The following MAPK10 variants were observed in gnomAD, a reference collection of about 807,000 sequenced individuals.
MAPK10 encodes the protein mitogen-activated protein kinase 10.
Under a neutral mutation model 59.3 loss-of-function variants are expected in MAPK10, and 25 were observed. That is an observed-to-expected ratio of 0.42 (90% CI 0.31 to 0.59). The LOEUF is 0.59. MAPK10 is among the 20% of genes least tolerant of loss of function. The pLI, the probability that MAPK10 is intolerant of heterozygous loss-of-function variation, is 0.15. For synonymous variants in MAPK10, 190 were observed against 200.5 expected (o/e 0.95, Z 0.44); for missense variants, 351 against 568.9 (o/e 0.62, Z 3.90).
chr4:86,123,574 C>G (rs1337300337), intron 4 of MAPK10: 1 of 151,956 alleles, frequency 6.6e-6, no homozygotes, highest in Non-Finnish European at 1.5e-5. Context: ...AGTGACATAA[C>G]CAAGTGTCAG....
At chr4:86,227,486 A>G (rs983310824) in intron 2 of MAPK10, among the ~76,000 whole-genome samples, 11 of 81,408 alleles carry the variant, frequency 1.4e-4, no homozygotes, top group Non-Finnish European at 2.2e-4. Context: ...GACTCCCTCT[A>G]AAAAAAAAAA....
At chr4:86,231,652 ACT>A (rs1334034520) in intron 2 of MAPK10, among the ~76,000 whole-genome samples, 7 of 151,902 alleles carry the variant, frequency 4.6e-5, no homozygotes, top group Admixed American at 2.0e-4. Context: ...ACAGAGCGAG[ACT>A]CTGTCTCAAA....
At chr4:86,154,804 G>A (rs1441979899) in intron 4 of MAPK10, among the ~76,000 whole-genome samples, 2 of 152,030 alleles carry the variant, frequency 1.3e-5, no homozygotes, top group Non-Finnish European at 2.9e-5. Context: ...TACTAAAGAT[G>A]ATAATATAAG....
At chr4:86,412,265 A>G (rs1489804218) in intron 1 of MAPK10, among the ~76,000 whole-genome samples, 1 of 152,146 alleles carries the variant, frequency 6.6e-6, no homozygotes, top group Non-Finnish European at 1.5e-5. Flanking sequence ...CTGCTGAGAG[A>G]TCTGCTGTTA....
chr4:86,497,637 C>T (rs1754972008), intron 1 of MAPK10, among the ~76,000 whole-genome samples: 1 of 152,156 alleles, frequency 6.6e-6, no homozygotes, highest in South Asian at 2.1e-4. Flanking sequence ...CTGTCCAGGG[C>T]TAAGTGGTGT....
At chr4:86,137,271 C>A (rs1222852705) in intron 4 of MAPK10, among the ~76,000 whole-genome samples, 1 of 151,806 alleles carries the variant, frequency 6.6e-6, no homozygotes, top group Non-Finnish European at 1.5e-5. Flanking sequence ...CAAAATTGAC[C>A]ATATACTTGG....
At chr4:86,188,878 G>T (rs935488426) in intron 3 of MAPK10, among the ~76,000 whole-genome samples, 6 of 151,978 alleles carry the variant, frequency 3.9e-5, no homozygotes, top group Non-Finnish European at 5.9e-5. Context: ...CGGTTTTTAT[G>T]GTTTTAGGTC....
intron 1 of MAPK10, among the ~76,000 whole-genome samples, chr4:86,449,111 G>C (rs1310401798): frequency 1.3e-5 from 2 of 151,784 alleles, no homozygotes; most frequent in African/African-American, 4.8e-5. Flanking sequence ...TCACGACCCT[G>C]CTCACCTCCT....
At chr4:86,132,364 G>T (rs2061164858) in intron 4 of MAPK10, among the ~76,000 whole-genome samples, 1 of 151,916 alleles carries the variant, frequency 6.6e-6, no homozygotes, top group Non-Finnish European at 1.5e-5. Context: ...TTTTGTATTG[G>T]GAAATGCATA....
At chr4:86,039,145 T>C (rs1009464006) in intron 11 of MAPK10, among the ~76,000 whole-genome samples, 1 of 152,218 alleles carries the variant, frequency 6.6e-6, no homozygotes, top group Non-Finnish European at 1.5e-5. Context: ...GGCTCTCCAG[T>C]GCTCCCTCTC....
At chr4:86,579,202 C>A (rs1762096500) in intron 1 of MAPK10, among the ~76,000 whole-genome samples, 1 of 152,144 alleles carries the variant, frequency 6.6e-6, no homozygotes, top group Admixed American at 6.5e-5. Context: ...TTATCCCACT[C>A]CTTAGCCTCA....
intron 9 of MAPK10, among the ~76,000 whole-genome samples, chr4:86,092,696 G>C (rs759379431): frequency 2.0e-4 from 30 of 151,948 alleles, no homozygotes; most frequent in Non-Finnish European, 1.6e-4. Flanking sequence ...ACAATGAATA[G>C]GGACTGTGCA....
chr4:86,287,571 A>G (rs2095061295), intron 2 of MAPK10, among the ~76,000 whole-genome samples: 2 of 152,188 alleles, frequency 1.3e-5, no homozygotes, highest in Non-Finnish European at 2.9e-5. Context: ...TAAAAATCTC[A>G]AGAGAGTTGT....
intron 4 of MAPK10, chr4:86,152,426 T>C (rs927671370): frequency 1.3e-5 from 2 of 152,216 alleles, no homozygotes; most frequent in African/African-American, 4.8e-5. Flanking sequence ...GGCTCAATGC[T>C]GGATTCATAA....
chr4:86,411,130 C>T (rs902103908), intron 1 of MAPK10, among the ~76,000 whole-genome samples: 2 of 152,172 alleles, frequency 1.3e-5, no homozygotes, highest in African/African-American at 4.8e-5. Context: ...CAAAGAACAT[C>T]TTTATTTCTG....
chr4:86,479,933 C>G (rs953007327), intron 1 of MAPK10, among the ~76,000 whole-genome samples: 2 of 152,098 alleles, frequency 1.3e-5, no homozygotes, highest in Non-Finnish European at 2.9e-5. Context: ...CACGCCACCC[C>G]TAATCCTGCT....
At chr4:86,208,133 T>G (rs955514727) in intron 2 of MAPK10, among the ~76,000 whole-genome samples, 2 of 152,100 alleles carry the variant, frequency 1.3e-5, no homozygotes, top group Admixed American at 6.6e-5. Flanking sequence ...GGACCAGATG[T>G]ATTCACAGCC....
chr4:86,170,571 A>G (rs890260961), intron 3 of MAPK10, among the ~76,000 whole-genome samples: 2 of 151,934 alleles, frequency 1.3e-5, no homozygotes, highest in African/African-American at 4.8e-5. Context: ...CAGATTCATA[A>G]AGCAAGTCCT....
chr4:86,438,153 T>G (rs769974088), intron 1 of MAPK10, among the ~76,000 whole-genome samples: 5 of 152,218 alleles, frequency 3.3e-5, no homozygotes, highest in Non-Finnish European at 7.3e-5. Context: ...ACTAATATTC[T>G]AATTCTTGAT....
Sources: gnomAD v4.1 joint callset for allele counts (sites outside exome capture counted in the v4.1 genomes callset) on GRCh38, gnomAD v4.1.1 for gene constraint, MANE v1.5 for transcripts, NCBI Gene and HGNC (gene_info 2026-07-23, HGNC 2026-07-21) for gene names.